The following CELF2 variants were observed in gnomAD, a reference collection of about 807,000 sequenced individuals.
CELF2 encodes the protein CUGBP Elav-like family member 2, also known as CUG triplet repeat RNA-binding protein 2.
Under a neutral mutation model 62.6 loss-of-function variants are expected in CELF2, and 8 were observed. That is an observed-to-expected ratio of 0.13 (90% confidence interval 0.07 to 0.23). CELF2 has a LOEUF of 0.23. CELF2 is among the 10% of genes least tolerant of loss of function. The pLI is 1.00. For missense variants in CELF2, 333 were observed against 671.0 expected (o/e 0.50, Z 5.56); for synonymous variants, 258 against 250.0 (o/e 1.03, Z -0.30).
At chr10:10,748,557 G>A in the CELF2 span, among the ~76,000 whole-genome samples, 1 of 151,856 alleles carries the variant, frequency 6.6e-6, no homozygotes, top group African/African-American at 2.4e-5. Context: ...GACCATCCTG[G>A]CTAGCACAGT....
At position 11,330,805 on chromosome 10, in the gene CELF2, C is replaced by G. The variant is rs761646878; in HGVS notation, c.*1752C>G. 1 of 152,476 alleles carries G rather than the reference C, an allele frequency of 6.6e-6. No individual in the cohort carries two copies. The allele number at this position is 152,476 out of a possible 1,614,324, so 9.4% of individuals were successfully genotyped here. On this transcript the variant is annotated 3_prime_UTR_variant, in exon 13 of 13. Coordinates refer to ENST00000633077, the MANE Select transcript of CELF2 (RefSeq NM_001326342.2). This position sits in a 1 kb window ranked among gnomAD's most constrained non-coding sequence, Gnocchi z 4.5. ...ATTATACAGGGATTGGCATTCTTCC[C>G]GGTCACTGGTAACAATAGCAATATG...
Position 11,294,214 on chromosome 10 carries a change from A to C in CELF2, c.976+5662A>C, listed in dbSNP as rs557930529. On this transcript the variant is annotated intron_variant, in intron 9 of 12. Transcript: ENST00000633077. ...AGGGCATTTCACCTTCAGAAGAACC[A>C]CCTACTCTAATGTGTGCTTTTGAAA... Among the ~76,000 whole-genome samples, 1,091 of 152,284 alleles carry C rather than the reference A, an allele frequency of 7.2e-3. 12 individuals carry two copies. Among genetic ancestry groups the C allele is most frequent in the African/African-American group, 0.025 (1,042 of 41,540 alleles).
rs1207470688 is a variant in CELF2, at chr10:11,285,211, CTCT to C, written c.842-3200_842-3198del. Among the ~76,000 whole-genome samples the C allele has an allele frequency of 2.6e-5, 4 of 151,992 alleles. No individual in the cohort carries two copies. The highest frequency in any genetic ancestry group is 5.9e-5 in the Non-Finnish European group (4 of 67,976). ...CGCCTCCTTGATTGGTTCTGACTAA[CTCT>C]TCTTCTCTCCTTTTGTCCTCACATC... On this transcript the variant is annotated intron_variant, in intron 8 of 12. Coordinates refer to ENST00000633077, the MANE Select transcript of CELF2 (RefSeq NM_001326342.2). The surrounding 1 kb of genome is among the most constrained non-coding windows in gnomAD (Gnocchi z 4.3).
intron 1 of CELF2, among the ~76,000 whole-genome samples, chr10:11,133,695 G>T (rs1219304502): frequency 6.6e-6 from 1 of 152,250 alleles, no homozygotes; most frequent in Admixed American, 6.5e-5. Flanking sequence ...ATCTGAGTCT[G>T]AAAACAGCTG....
intron 2 of CELF2, among the ~76,000 whole-genome samples, chr10:10,998,297 C>T (rs558830910): frequency 6.6e-6 from 1 of 152,340 alleles, no homozygotes; most frequent in South Asian, 2.1e-4. Context: ...TATCCTTCCT[C>T]ACTCAGCCCT....
chr10:10,736,670 G>A, the CELF2 span, among the ~76,000 whole-genome samples: 1 of 151,508 alleles, frequency 6.6e-6, no homozygotes, highest in Admixed American at 6.6e-5. Context: ...TGAGTTAAGA[G>A]GAAAATAAAG....
Position 11,297,542 on chromosome 10 carries a change from A to T in CELF2, c.976+8990A>T, listed in dbSNP as rs751381295. 6.6e-6 allele frequency among the ~76,000 whole-genome samples: 1 copy of T among 152,104 alleles called. No homozygotes were observed. Among genetic ancestry groups the T allele is most frequent in the Non-Finnish European group, 1.5e-5 (1 of 68,030 alleles). On this transcript the variant is annotated intron_variant, in intron 9 of 12. Transcript: ENST00000633077. This position sits in a 1 kb window ranked among gnomAD's most constrained non-coding sequence, Gnocchi z 4.4. Reference sequence around the variant, plus strand: ...GGCTGGAGGAGGAAAAGGCAGAAAGAGCTGACTGAAGTTTGAGTTGGGGAG... The same window carrying T: ...GGCTGGAGGAGGAAAAGGCAGAAAGTGCTGACTGAAGTTTGAGTTGGGGAG...
intron 1 of CELF2, among the ~76,000 whole-genome samples, chr10:10,918,702 CAGG>C (rs1212312472): frequency 6.6e-6 from 1 of 152,192 alleles, no homozygotes; most frequent in East Asian, 1.9e-4. Flanking sequence ...ACATTGGATT[CAGG>C]AGGTCAATGA....
the CELF2 span, among the ~76,000 whole-genome samples, chr10:10,733,990 A>G: frequency 6.6e-6 from 1 of 152,358 alleles, no homozygotes; most frequent in South Asian, 2.1e-4. Context: ...ATAACAGGAA[A>G]TTAAACATTT....
At chr10:11,137,645 T>TCATTA (rs748526851) in intron 1 of CELF2, among the ~76,000 whole-genome samples, 1 of 152,206 alleles carries the variant, frequency 6.6e-6, no homozygotes, top group East Asian at 1.9e-4. Flanking sequence ...TTATTGACTC[T>TCATTA]CATTACATCA....
intron 1 of CELF2, among the ~76,000 whole-genome samples, chr10:11,007,327 T>C (rs1320028635): frequency 1.3e-5 from 2 of 152,202 alleles, no homozygotes; most frequent in Non-Finnish European, 2.9e-5. Flanking sequence ...TTATGAAACA[T>C]GAGCTATTTT....
the CELF2 span, among the ~76,000 whole-genome samples, chr10:10,565,507 C>T: frequency 4.6e-5 from 7 of 152,182 alleles, no homozygotes; most frequent in African/African-American, 1.7e-4. Context: ...ATCTGTCTAG[C>T]CCTAAGCAGA....
intron 2 of CELF2, among the ~76,000 whole-genome samples, chr10:10,977,193 T>A (rs1247802247): frequency 6.6e-6 from 1 of 152,206 alleles, no homozygotes; most frequent in Non-Finnish European, 1.5e-5. Flanking sequence ...GGATTCTTCC[T>A]GAAATTGTTT....
At chr10:10,835,063 G>GGACAT (rs2058168173) in intron 1 of CELF2, among the ~76,000 whole-genome samples, 1 of 151,972 alleles carries the variant, frequency 6.6e-6, no homozygotes, top group Non-Finnish European at 1.5e-5. Flanking sequence ...TATAAATTAG[G>GGACAT]GACATGGTGC....
chr10:10,771,407 G>T, the CELF2 span, among the ~76,000 whole-genome samples: 2 of 152,200 alleles, frequency 1.3e-5, no homozygotes, highest in East Asian at 3.8e-4. Context: ...AGGTAAGCAA[G>T]CATGGCATAA....
intron 7 of CELF2, among the ~76,000 whole-genome samples, chr10:11,273,443 A>G (rs1424522605): frequency 6.6e-6 from 1 of 152,108 alleles, no homozygotes; most frequent in East Asian, 1.9e-4. Context: ...GAGGTGGAGC[A>G]GTTTCATCTC....
the CELF2 span, among the ~76,000 whole-genome samples, chr10:10,603,323 C>T: frequency 4.0e-5 from 6 of 151,408 alleles, no homozygotes; most frequent in Admixed American, 4.0e-4. Flanking sequence ...AGAAAAATAG[C>T]CAAAAGGACA....
chr10:11,005,439 A>G lies in CELF2; in HGVS notation c.52A>G (p.Ser18Gly), dbSNP rs775398932. Residue 18 changes from serine (S) to glycine (G), a missense_variant and splice_region_variant, in exon 1 of 13, where the codon AGT (serine) becomes GGT (glycine). Physicochemically the swap from Ser to Gly is moderately conservative, Grantham distance 56. Coordinates refer to the CELF2 transcript ENST00000416382. The surrounding 1 kb of genome is among the most constrained non-coding windows in gnomAD (Gnocchi z 4.3). ...TATGAGAAATGAAGAGCTGCTTTTAAGGTATGTTGTTGTGTCCTTTGTTTT... is the reference window on the plus strand; with the variant it reads ...TATGAGAAATGAAGAGCTGCTTTTAGGGTATGTTGTTGTGTCCTTTGTTTT... 1 of 1,613,902 alleles carries G rather than the reference A, an allele frequency of 6.2e-7. No individual in the cohort carries two copies. The highest frequency in any genetic ancestry group is 8.5e-7 in the Non-Finnish European group (1 of 1,179,830).
the CELF2 span, among the ~76,000 whole-genome samples, chr10:10,620,825 G>T: frequency 6.7e-6 from 1 of 149,726 alleles, no homozygotes; most frequent in African/African-American, 2.5e-5. Context: ...GGCTGAGGCA[G>T]GAGAATGGCG....
Sources: allele counts gnomAD v4.1 joint callset (sites outside exome capture counted in the v4.1 genomes callset), GRCh38; gene constraint gnomAD v4.1.1; non-coding constraint Gnocchi (gnomAD v3.1); transcripts MANE v1.5; gene names NCBI Gene and HGNC (gene_info 2026-07-23, HGNC 2026-07-21).